Variants in AEBP2 observed in about 807,000 individuals in gnomAD.
AEBP2 encodes AE binding protein 2.
In AEBP2, 10 loss-of-function variants were observed where a neutral mutation model predicts 50.8. The observed-to-expected ratio is 0.20, with a 90% confidence interval of 0.12 to 0.33. AEBP2 has a LOEUF of 0.33. Ranked by LOEUF, AEBP2 falls within the 10% of genes least tolerant of loss-of-function variation. The probability of loss-of-function intolerance (pLI) is 1.00; values close to 1 mark genes in which losing one functional copy is unlikely to be tolerated. For missense variants in AEBP2, 570 were observed against 688.0 expected (o/e 0.83, Z 1.92); for synonymous variants, 296 against 261.3 (o/e 1.13, Z -1.28).
At chr12:19,461,863 G>A (rs890447626) in intron 1 of AEBP2, among the ~76,000 whole-genome samples, 6 of 152,072 alleles carry the variant, frequency 3.9e-5, no homozygotes, top group African/African-American at 1.4e-4. Context: ...GGCATTTTCA[G>A]TCTTTTTTTT....
At chr12:19,408,062 A>AAG (rs1245404562) in intron 1 of AEBP2, among the ~76,000 whole-genome samples, 1 of 151,604 alleles carries the variant, frequency 6.6e-6, no homozygotes, top group African/African-American at 2.4e-5. Flanking sequence ...AAAAAAAAAA[A>AAG]AAAAGTTTAA....
At chr12:19,443,136 G>A (rs1168282202) in intron 1 of AEBP2, among the ~76,000 whole-genome samples, 7 of 149,188 alleles carry the variant, frequency 4.7e-5, no homozygotes, top group African/African-American at 1.2e-4. Context: ...TCACTCTATC[G>A]CCCAGGCTGG....
intron 5 of AEBP2, among the ~76,000 whole-genome samples, chr12:19,501,392 T>C (rs1302369253): frequency 6.6e-6 from 1 of 151,768 alleles, no homozygotes; most frequent in Non-Finnish European, 1.5e-5. Context: ...CCTAGTACTT[T>C]GGGAGGCCAA....
At chr12:19,424,359 T>C (rs570709646) in intron 1 of AEBP2, among the ~76,000 whole-genome samples, 12 of 152,048 alleles carry the variant, frequency 7.9e-5, no homozygotes, top group South Asian at 2.1e-4. Context: ...GGGATCAAGA[T>C]GCAAAGTAAA....
chr12:19,468,220 T>C (rs1343434584), intron 2 of AEBP2, among the ~76,000 whole-genome samples: 3 of 151,578 alleles, frequency 2.0e-5, no homozygotes, highest in Non-Finnish European at 4.4e-5. Context: ...GTTGTCCAGC[T>C]CCTGGGCTTA....
intron 2 of AEBP2, among the ~76,000 whole-genome samples, chr12:19,470,722 C>T (rs1030069748): frequency 2.6e-5 from 4 of 152,092 alleles, no homozygotes; most frequent in African/African-American, 9.7e-5. Flanking sequence ...AATTAGAAGC[C>T]AGATACTGCT....
intron 3 of AEBP2, among the ~76,000 whole-genome samples, chr12:19,485,032 CTAAATA>C (rs1474047662): frequency 2.6e-5 from 4 of 152,014 alleles, no homozygotes; most frequent in African/African-American, 9.7e-5. Flanking sequence ...TGTGTGCACA[CTAAATA>C]TAAGAGATTA....
chr12:19,501,799 T>TTTTTTTTTTTTTTTTTTTTTTTTTG (rs1949084325), intron 5 of AEBP2, among the ~76,000 whole-genome samples: 2 of 75,104 alleles, frequency 2.7e-5, no homozygotes, highest in African/African-American at 7.1e-5. Flanking sequence ...ATGAGTTTGT[T>TTTTTTTTTTTTTTTTTTTTTTTTTG]TTTTTTTTTT....
intron 1 of AEBP2, among the ~76,000 whole-genome samples, chr12:19,452,983 TGAGACG>T (rs1948190857): frequency 6.9e-6 from 1 of 144,786 alleles, no homozygotes; most frequent in Non-Finnish European, 1.5e-5. Context: ...TTTTTTTTTT[TGAGACG>T]GAGTCTCGCT....
rs1237878885 is a variant in AEBP2 at position 19,439,501 on chromosome 12, G to C, written c.-199G>C. Among the ~76,000 whole-genome samples, 1 of 151,980 alleles carries C rather than the reference G, an allele frequency of 6.6e-6. No homozygotes were observed. The highest frequency in any genetic ancestry group is 2.4e-5 in the African/African-American group (1 of 41,426). ...CGCGCAGGCGCGCAGCAGTCTCCGT[G>C]TGAGTGCGCGTAGTCGCGCGCCTGT... On this transcript the variant is annotated 5_prime_UTR_variant, in exon 1 of 8. Transcript: ENST00000266508.
At chr12:19,518,017 A>T in intron 7 of AEBP2, 70 bp from the exon 8 acceptor site, 1 of 1,368,724 alleles carries the variant, frequency 7.3e-7, no homozygotes. Flanking sequence ...TAATATTTTT[A>T]ATGTCTCTTG....
At chr12:19,405,620 G>A (rs11044530) in intron 1 of AEBP2, among the ~76,000 whole-genome samples, 3,513 of 152,114 alleles carry the variant, frequency 0.023, 47 homozygotes, top group East Asian at 0.043. Flanking sequence ...CACTGCGCCC[G>A]GCTGGATTTG....
chr12:19,493,268 G>T (rs1463807220), intron 3 of AEBP2, among the ~76,000 whole-genome samples: 1 of 152,154 alleles, frequency 6.6e-6, no homozygotes, highest in Non-Finnish European at 1.5e-5. Context: ...AGGCATGGTA[G>T]CACACACGTG....
At chr12:19,424,020 G>A (rs1029427113) in intron 1 of AEBP2, among the ~76,000 whole-genome samples, 6 of 152,170 alleles carry the variant, frequency 3.9e-5, no homozygotes, top group African/African-American at 1.4e-4. Context: ...GAATCTGGGA[G>A]GCTCTCAGCA....
Position 19,408,567 on chromosome 12 carries a change from C to T in AEBP2, c.-17+4351C>T, listed in dbSNP as rs1001816718. Among the ~76,000 whole-genome samples the T allele has an allele frequency of 3.3e-5, 5 of 151,138 alleles. No homozygotes were observed. The East Asian group carries it at 5.9e-4, about 18-fold the overall frequency. On this transcript the variant is annotated intron_variant, in intron 1 of 3. Transcript: ENST00000538425. Reference sequence around the variant, plus strand: ...AAAAAAAAAAAAGAAAGCGTTTTCTCGTATACACTTTCTGGATTTAATGTG... The same window carrying T: ...AAAAAAAAAAAAGAAAGCGTTTTCTTGTATACACTTTCTGGATTTAATGTG...
intron 4 of AEBP2, among the ~76,000 whole-genome samples, chr12:19,495,547 C>CTTTTTTTTTTTT (rs35060511): frequency 0.016 from 2,308 of 140,482 alleles, 23 homozygotes; most frequent in East Asian, 0.025. Flanking sequence ...TTCATTCTTG[C>CTTTTTTTTTTTT]TTTTTTTTTT....
intron 2 of AEBP2, among the ~76,000 whole-genome samples, chr12:19,463,373 T>G (rs1361154386): frequency 1.3e-5 from 2 of 152,344 alleles, no homozygotes; most frequent in East Asian, 3.9e-4. Flanking sequence ...ATACATTGTT[T>G]CAACTTTACC....
intron 3 of AEBP2, among the ~76,000 whole-genome samples, chr12:19,485,171 T>G (rs560742203): frequency 6.6e-6 from 1 of 152,314 alleles, no homozygotes; most frequent in Non-Finnish European, 1.5e-5. Flanking sequence ...TATATGCAGG[T>G]TAATTTCAAA....
chr12:19,516,139 T>G (rs1949314279), intron 7 of AEBP2, among the ~76,000 whole-genome samples: 1 of 152,120 alleles, frequency 6.6e-6, no homozygotes, highest in Non-Finnish European at 1.5e-5. Flanking sequence ...ATTAATACAA[T>G]AAAACTTATT....
Sources: gnomAD v4.1 joint callset for allele counts (sites outside exome capture counted in the v4.1 genomes callset) on GRCh38, gnomAD v4.1.1 for gene constraint, MANE v1.5 for transcripts, NCBI Gene and HGNC (gene_info 2026-07-23, HGNC 2026-07-21) for gene names.